NEK10: variants seen among roughly 807,000 people sequenced by gnomAD.
NEK10 encodes NIMA related kinase 10, also known as serine/threonine-protein kinase Nek10.
A neutral mutation model predicts 159.8 loss-of-function variants in NEK10; 122 were observed. The ratio of observed to expected loss-of-function variants is 0.76; its 90% CI spans 0.66 to 0.89. The LOEUF is 0.89. Ranked by LOEUF, NEK10 falls within the 40% of genes least tolerant of loss-of-function variation. NEK10 has a pLI of 0.00. For missense variants in NEK10, 1,342 were observed against 1,323.1 expected, an observed-to-expected ratio of 1.01 and a Z score of -0.22; for synonymous variants, 466 against 457.1, an observed-to-expected ratio of 1.02 and a Z score of -0.25.
intron 26 of NEK10, among the ~76,000 whole-genome samples, chr3:27,179,078 G>A (rs534313782): frequency 4.6e-5 from 7 of 152,094 alleles, no homozygotes; most frequent in Non-Finnish European, 1.0e-4. Flanking sequence ...TTCCCAAAAT[G>A]GTTTGGATGG....
At chr3:27,184,152 T>C (rs910452795) in intron 26 of NEK10, among the ~76,000 whole-genome samples, 2 of 152,172 alleles carry the variant, frequency 1.3e-5, no homozygotes, top group Non-Finnish European at 2.9e-5. Flanking sequence ...TCAACAGTGT[T>C]AAGAAATTCC....
rs182672327 is a variant in NEK10, at chr3:27,291,538, A to C, written c.1422T>G (p.Tyr474Ter). The C allele has an allele frequency of 6.2e-7, 1 of 1,611,116 alleles. No individual in the cohort carries two copies. The highest frequency in any genetic ancestry group is 1.7e-5 in the Admixed American group (1 of 60,020). Reference protein sequence around the residue: ...LFEIFIDIGHYVRDISAYEEL... With the variant: ...LFEIFIDIGH ...CTTCATAAGCACTGATATCACGTAC[A>C]TAATGCCCTATGTCAATGAAGATCT... Residue 474 changes from tyrosine (Y) to a stop codon, truncating the protein, a stop_gained, in exon 17 of 36, where the codon TAT (tyrosine) becomes TAG (stop). Transcript: ENST00000691995. LOFTEE classifies it high-confidence loss of function.
chr3:27,158,746 A>T (rs1226484661), intron 30 of NEK10, among the ~76,000 whole-genome samples: 1 of 152,176 alleles, frequency 6.6e-6, no homozygotes, highest in East Asian at 1.9e-4. Context: ...TTTAGTTGAC[A>T]TTATATTTGC....
intron 22 of NEK10, among the ~76,000 whole-genome samples, chr3:27,269,596 C>A (rs2041176588): frequency 6.6e-6 from 1 of 152,132 alleles, no homozygotes; most frequent in African/African-American, 2.4e-5. Flanking sequence ...TAGACTATTG[C>A]ACACAAATAG....
intron 11 of NEK10, among the ~76,000 whole-genome samples, chr3:27,306,720 A>C (rs568900574): frequency 3.3e-5 from 5 of 152,354 alleles, no homozygotes; most frequent in Non-Finnish European, 7.3e-5. Flanking sequence ...TGTGCAGATC[A>C]CATGAGTTAA....
At chr3:27,191,140 T>G (rs1949077446) in intron 26 of NEK10, among the ~76,000 whole-genome samples, 1 of 152,198 alleles carries the variant, frequency 6.6e-6, no homozygotes, top group South Asian at 2.1e-4. Context: ...ACACTGTTAT[T>G]CAAGAAATCA....
At chr3:27,135,846 G>C (rs1943136096) in intron 31 of NEK10, among the ~76,000 whole-genome samples, 1 of 152,120 alleles carries the variant, frequency 6.6e-6, no homozygotes, top group Admixed American at 6.5e-5. Flanking sequence ...ATCTTATTCT[G>C]TTAAATCTAG....
At chr3:27,119,184 AT>A (rs931674746) in intron 33 of NEK10, among the ~76,000 whole-genome samples, 14 of 152,140 alleles carry the variant, frequency 9.2e-5, no homozygotes, top group African/African-American at 3.4e-4. Flanking sequence ...ATTTATCCCC[AT>A]TTTACAGGCA....
chr3:27,259,485 C>A (rs1465573056), intron 22 of NEK10, among the ~76,000 whole-genome samples: 4 of 152,138 alleles, frequency 2.6e-5, no homozygotes, highest in East Asian at 1.9e-4. Context: ...AATCCTTTCC[C>A]CATTGCTTGT....
chr3:27,143,393 CT>C, intron 30 of NEK10: 1 of 716,386 alleles, frequency 1.4e-6, no homozygotes, highest in Admixed American at 2.1e-5. Flanking sequence ...GCAAAGAGTT[CT>C]TAGATCTGTG....
At chr3:27,331,262 A>AAAACAC in intron 5 of NEK10, among the ~76,000 whole-genome samples, 2 of 110,080 alleles carry the variant, frequency 1.8e-5, no homozygotes, top group African/African-American at 2.9e-5. Flanking sequence ...AAAAAAAAAA[A>AAAACAC]ACACACAAAC....
intron 30 of NEK10, among the ~76,000 whole-genome samples, chr3:27,149,898 G>C (rs1046910119): frequency 2.0e-5 from 3 of 152,192 alleles, no homozygotes; most frequent in African/African-American, 7.2e-5. Context: ...TGAATGCAGA[G>C]AAAAGATTTT....
At chr3:27,364,943 A>G (rs1423599965) in intron 1 of NEK10, among the ~76,000 whole-genome samples, 1 of 152,192 alleles carries the variant, frequency 6.6e-6, no homozygotes, top group Non-Finnish European at 1.5e-5. Context: ...CCTAATTTAC[A>G]CATGAAGGAA....
chr3:27,252,783 G>A, intron 23 of NEK10: 3 of 430,762 alleles, frequency 7.0e-6, no homozygotes, highest in South Asian at 5.0e-5. Context: ...GTGGTCAGAG[G>A]GAGCCCAGAT....
intron 23 of NEK10, among the ~76,000 whole-genome samples, chr3:27,221,947 T>C (rs1952141564): frequency 6.6e-6 from 1 of 152,198 alleles, no homozygotes; most frequent in African/African-American, 2.4e-5. Context: ...AATAGTTACA[T>C]ACATCGTAAA....
At chr3:27,167,619 C>T (rs887595209) in intron 29 of NEK10, among the ~76,000 whole-genome samples, 6 of 152,102 alleles carry the variant, frequency 3.9e-5, no homozygotes, top group Admixed American at 2.0e-4. Context: ...CTATGAAACT[C>T]GCATAAAAAC....
At chr3:27,126,242 T>C (rs140184699) in intron 32 of NEK10, among the ~76,000 whole-genome samples, 250 of 152,170 alleles carry the variant, frequency 1.6e-3, no homozygotes, top group African/African-American at 5.7e-3. Context: ...AAACAGAGAT[T>C]AGGAACTAAA....
intron 32 of NEK10, among the ~76,000 whole-genome samples, chr3:27,128,107 G>A (rs1335934060): frequency 1.3e-5 from 2 of 152,176 alleles, no homozygotes; most frequent in African/African-American, 4.8e-5. Context: ...TGGCGTTCCA[G>A]GCCATATGGT....
intron 23 of NEK10, among the ~76,000 whole-genome samples, chr3:27,233,404 T>C (rs924882981): frequency 6.6e-5 from 10 of 151,636 alleles, no homozygotes; most frequent in African/African-American, 2.4e-4. Flanking sequence ...TCCAAAACAA[T>C]AGATGTTGGT....
Sources: gnomAD v4.1 joint callset for allele counts (sites outside exome capture counted in the v4.1 genomes callset) on GRCh38, gnomAD v4.1.1 for gene constraint, MANE v1.5 for transcripts, NCBI Gene and HGNC (gene_info 2026-07-23, HGNC 2026-07-21) for gene names.